LRGUK: variants seen among roughly 807,000 people sequenced by gnomAD.
The protein encoded by LRGUK is leucine-rich repeat and guanylate kinase domain-containing protein.
In LRGUK, 65 loss-of-function variants were observed where a neutral mutation model predicts 76.0. The ratio of observed to expected loss-of-function variants is 0.85; its 90% CI spans 0.70 to 1.05. The LOEUF (loss-of-function observed/expected upper bound fraction) is 1.05. Ranked by LOEUF, LRGUK falls within the 50% of genes least tolerant of loss-of-function variation. The pLI, the probability that LRGUK is intolerant of heterozygous loss-of-function variation, is 0.00. For synonymous variants in LRGUK, 268 were observed against 265.6 expected, an observed-to-expected ratio of 1.01 and a Z score of -0.09; for missense variants, 758 against 732.8, an observed-to-expected ratio of 1.03 and a Z score of -0.40.
At chr7:134,135,532 A>G (rs573269145) in intron 1 of LRGUK, among the ~76,000 whole-genome samples, 3 of 152,336 alleles carry the variant, frequency 2.0e-5, no homozygotes, top group East Asian at 3.8e-4. Context: ...AACTTCTTCA[A>G]AGGTGATAAC....
chr7:134,214,369 C>A (rs1801376860), downstream of LRGUK, among the ~76,000 whole-genome samples: 1 of 152,066 alleles, frequency 6.6e-6, no homozygotes, highest in African/African-American at 2.4e-5. Context: ...TCTGTCAAAG[C>A]CTTAACATTT....
intron 1 of LRGUK, among the ~76,000 whole-genome samples, chr7:134,129,546 C>T (rs1295732836): frequency 4.0e-5 from 6 of 148,276 alleles, no homozygotes; most frequent in South Asian, 2.2e-4. Context: ...AGTCATGACT[C>T]ACTGCAGTCT....
At chr7:134,136,958 C>A in intron 1 of LRGUK, 65 bp from the exon 2 acceptor site, 1 of 1,304,712 alleles carries the variant, frequency 7.7e-7, no homozygotes, top group Non-Finnish European at 1.1e-6. Flanking sequence ...CTGGATATGA[C>A]AAGATAGATT....
chr7:134,210,158 C>A (rs751174355), exon 16 of LRGUK: 1 of 399,366 alleles, frequency 2.5e-6, no homozygotes, highest in Non-Finnish European at 4.4e-6. Context: ...TGGGAACCAC[C>A]AGCCAGCCTT....
At chr7:134,213,109 G>A (rs1023281270), downstream of LRGUK, among the ~76,000 whole-genome samples, 3 of 152,170 alleles carry the variant, frequency 2.0e-5, no homozygotes, top group Admixed American at 1.3e-4. Flanking sequence ...AGAGGCACGC[G>A]CAGGCATAGC....
rs538325106 is a variant in LRGUK, at chr7:134,127,767, A to G, written c.297+103A>G. 49 of 1,290,734 alleles carry G rather than the reference A, an allele frequency of 3.8e-5. 1 individual carries two copies. The African/African-American group carries it at 7.5e-4, about 20-fold the overall frequency. 80.0% of individuals were successfully genotyped at this position (1,290,734 alleles called of 1,614,324 possible). A position where few individuals can be genotyped will look rare whatever the true frequency, so the allele number is the denominator to read the frequency against. ...CCCCCACCAGCCCGAAGCTTCCCAC[A>G]CCTTCTCAGGCTCTCTCGCCTCCAG... On this transcript the variant is annotated intron_variant, in intron 1 of 15. Coordinates refer to ENST00000645682, the Ensembl canonical transcript of LRGUK.
At chr7:134,267,566 A>G (rs919239940), downstream of LRGUK, among the ~76,000 whole-genome samples, 1 of 152,188 alleles carries the variant, frequency 6.6e-6, no homozygotes, top group African/African-American at 2.4e-5. Context: ...TGGGTAGTGA[A>G]TAAGTCTCAC....
At chr7:134,225,087 A>G (rs2117161910) in intron 16 of LRGUK, among the ~76,000 whole-genome samples, 1 of 150,140 alleles carries the variant, frequency 6.7e-6, no homozygotes, top group East Asian at 2.0e-4. Context: ...GTCAAGGGCA[A>G]TAAGGTACTA....
intron 16 of LRGUK, among the ~76,000 whole-genome samples, chr7:134,232,779 A>G (rs982167008): frequency 2.6e-5 from 4 of 152,186 alleles, no homozygotes; most frequent in African/African-American, 9.6e-5. Flanking sequence ...TTTAATATGA[A>G]TTTAGATAAT....
intron 10 of LRGUK, among the ~76,000 whole-genome samples, chr7:134,180,693 C>G (rs1315813866): frequency 1.3e-5 from 2 of 152,020 alleles, no homozygotes; most frequent in African/African-American, 4.8e-5. Flanking sequence ...ATATTTTTTG[C>G]CTACAATTTA....
exon 16 of LRGUK, chr7:134,209,858 A>G (rs1801174494): frequency 2.5e-6 from 1 of 399,268 alleles, no homozygotes; most frequent in East Asian, 3.6e-5. Flanking sequence ...AGAACCTCGC[A>G]TCCTCAGTCC....
chr7:134,176,958 C>A lies in LRGUK; in HGVS notation c.1021-19C>A, dbSNP rs373703459. On this transcript the variant is annotated intron_variant, in intron 8 of 15. Transcript: ENST00000645682. Reference sequence around the variant, plus strand: ...GGAAAAGGAAGGCAACTGAACAGTCCTCTTGATATTTTAAATAGGAAAAGT... The same window carrying A: ...GGAAAAGGAAGGCAACTGAACAGTCATCTTGATATTTTAAATAGGAAAAGT... The A allele has an allele frequency of 9.2e-5, 136 of 1,484,894 alleles. No individual in the cohort carries two copies. Among genetic ancestry groups the A allele is most frequent in the Non-Finnish European group, 1.2e-4 (127 of 1,068,902 alleles). The allele number at this position is 1,484,894 out of a possible 1,614,324, so 92.0% of individuals were successfully genotyped here. A position where few individuals can be genotyped will look rare whatever the true frequency, so the allele number is the denominator to read the frequency against.
chr7:134,191,779 G>A (rs747531369), intron 12 of LRGUK, 28 bp downstream of exon 12: 1 of 1,443,772 alleles, frequency 6.9e-7, no homozygotes, highest in South Asian at 1.2e-5. Flanking sequence ...TGTTTTTATT[G>A]CACAAGAAAT....
chr7:134,194,596 C>A (rs573101714), intron 12 of LRGUK, among the ~76,000 whole-genome samples: 83 of 152,118 alleles, frequency 5.5e-4, no homozygotes, highest in Middle Eastern at 3.4e-3. Flanking sequence ...AAAGAATTAG[C>A]CTGGTGTAGG....
intron 19 of LRGUK, 35 bp from the exon 20 acceptor site, chr7:134,263,810 G>A: frequency 6.4e-7 from 1 of 1,573,058 alleles, no homozygotes; most frequent in Non-Finnish European, 8.6e-7. Context: ...AAGAAACCAA[G>A]GGATTAACTA....
At chr7:134,137,427 C>G (rs189875735) in intron 2 of LRGUK, among the ~76,000 whole-genome samples, 1 of 152,090 alleles carries the variant, frequency 6.6e-6, no homozygotes, top group Non-Finnish European at 1.5e-5. Flanking sequence ...GAATTTGATT[C>G]TGTAAAACCA....
rs1445436778 is a variant in LRGUK at position 134,177,068 on chromosome 7, G to A, written c.1107+5G>A. The A allele has an allele frequency of 1.3e-6, 2 of 1,564,952 alleles. No individual in the cohort carries two copies. Among genetic ancestry groups the A allele is most frequent in the African/African-American group, 1.4e-5 (1 of 73,616 alleles). ...AAGATTAAAGTGGAAGAAAAGGTAT[G>A]TAATCATGTCATAACATTACCATTG... On this transcript the variant is annotated splice_donor_5th_base_variant and intron_variant, in intron 9 of 15. Transcript: ENST00000645682.
downstream of LRGUK, among the ~76,000 whole-genome samples, chr7:134,268,875 G>T (rs920990710): frequency 1.3e-5 from 2 of 151,222 alleles, no homozygotes; most frequent in Non-Finnish European, 3.0e-5. Flanking sequence ...GACTACAGGC[G>T]CCTGCCACTG....
chr7:134,222,078 T>C (rs907846211), intron 16 of LRGUK, among the ~76,000 whole-genome samples, 160 bp downstream of exon 16: 2 of 152,208 alleles, frequency 1.3e-5, no homozygotes, highest in Non-Finnish European at 2.9e-5. Flanking sequence ...TCCCTGAGAA[T>C]AGACACTGGT....
Sources: gnomAD v4.1 joint callset for allele counts (sites outside exome capture counted in the v4.1 genomes callset) on GRCh38, gnomAD v4.1.1 for gene constraint, MANE v1.5 for transcripts, NCBI Gene and HGNC (gene_info 2026-07-23, HGNC 2026-07-21) for gene names.